Variants in PPP2R2C observed in about 807,000 individuals in gnomAD.
PPP2R2C encodes protein phosphatase 2, regulatory subunit B, gamma.
A neutral mutation model predicts 45.3 loss-of-function variants in PPP2R2C; 10 were observed. The ratio of observed to expected loss-of-function variants is 0.22; its 90% CI spans 0.14 to 0.37. The LOEUF is 0.37. Among genes scored for constraint, PPP2R2C ranks in the 10% least tolerant of loss-of-function variants. The probability of loss-of-function intolerance (pLI) is 1.00; values close to 1 mark genes in which losing one functional copy is unlikely to be tolerated. For missense variants in PPP2R2C, 308 were observed against 619.7 expected (o/e 0.50, Z 5.34); for synonymous variants, 257 against 245.4 (o/e 1.05, Z -0.44).
At chr4:6,397,616 G>A (rs1055650269) in intron 1 of PPP2R2C, among the ~76,000 whole-genome samples, 1 of 105,670 alleles carries the variant, frequency 9.5e-6, no homozygotes, top group Admixed American at 9.1e-5. Context: ...CCCACAGAGA[G>A]GGCAGTGCAG....
At chr4:6,430,430 G>C (rs567259633) in intron 1 of PPP2R2C, among the ~76,000 whole-genome samples, 21 of 152,326 alleles carry the variant, frequency 1.4e-4, no homozygotes, top group Non-Finnish European at 2.8e-4. Context: ...AGAGGTCCAA[G>C]AGGAGAGAAA....
intron 5 of PPP2R2C, chr4:6,351,133 C>T (rs1455731812): frequency 1.4e-5 from 9 of 653,930 alleles, no homozygotes; most frequent in South Asian, 6.8e-5. Context: ...ACCAAAACCC[C>T]GTCTCTACTA....
chr4:6,338,478 G>C (rs1180246482), intron 6 of PPP2R2C, among the ~76,000 whole-genome samples: 1 of 152,164 alleles, frequency 6.6e-6, no homozygotes, highest in Non-Finnish European at 1.5e-5. Context: ...ACGGACCTGT[G>C]AATCAAAGGA....
chr4:6,560,585 A>C (rs948565487), intron 1 of PPP2R2C, among the ~76,000 whole-genome samples: 2 of 152,156 alleles, frequency 1.3e-5, no homozygotes, highest in Non-Finnish European at 2.9e-5. Context: ...AAGCACTGGA[A>C]GCGTCCCTGG....
intron 6 of PPP2R2C, among the ~76,000 whole-genome samples, chr4:6,340,610 C>T (rs1360504626): frequency 6.6e-6 from 1 of 152,168 alleles, no homozygotes. Context: ...ACCTTCCCCA[C>T]CTGCACCGGC....
At chr4:6,552,833 T>C (rs1725227895) in intron 1 of PPP2R2C, among the ~76,000 whole-genome samples, 1 of 152,078 alleles carries the variant, frequency 6.6e-6, no homozygotes, top group Non-Finnish European at 1.5e-5. Flanking sequence ...AATTTGACAA[T>C]AAGGCTCAGG....
chr4:6,396,837 C>T (rs1330966950), intron 1 of PPP2R2C, among the ~76,000 whole-genome samples: 3 of 152,222 alleles, frequency 2.0e-5, no homozygotes, highest in African/African-American at 7.2e-5. Context: ...GGCATGAATA[C>T]TCAAGCCAGG....
chr4:6,402,537 A>C (rs1717485773), intron 1 of PPP2R2C, among the ~76,000 whole-genome samples: 1 of 150,274 alleles, frequency 6.7e-6, no homozygotes. Context: ...TCCCACCCTC[A>C]CGCCCTCCAT....
At chr4:6,558,072 C>T (rs959326755) in intron 1 of PPP2R2C, among the ~76,000 whole-genome samples, 2 of 152,180 alleles carry the variant, frequency 1.3e-5, no homozygotes, top group Non-Finnish European at 2.9e-5. Context: ...GCAGGACAGC[C>T]CCTGGCGGTG....
intron 1 of PPP2R2C, chr4:6,383,202 C>G: frequency 8.5e-7 from 1 of 1,182,888 alleles, no homozygotes; most frequent in South Asian, 1.6e-5. Flanking sequence ...CCACTGGCCC[C>G]TGAGGGGGAG....
In PPP2R2C at chr4:6,511,834, GTGA is replaced by G. The variant is rs1560594470; in HGVS notation, c.49+23434_49+23436del. Among the ~76,000 whole-genome samples the G allele has an allele frequency of 2.8e-3, 133 of 48,140 alleles. 24 individuals carry two copies. The highest frequency in any genetic ancestry group is 8.5e-3 in the Admixed American group (42 of 4,930). 31.6% of individuals were successfully genotyped at this position (48,140 alleles called of 152,430 possible). On this transcript the variant is annotated intron_variant, in intron 2 of 9. Coordinates refer to the PPP2R2C transcript ENST00000506140. ...GGTGGTGGTGATGGTGGTGGTGGTG[GTGA>G]TGGTGGTGGTGGTGGTGGTGGTGGT... is the stretch of plus-strand genomic sequence containing the variant.
chr4:6,350,185 C>A (rs754751980), intron 5 of PPP2R2C: 16 of 985,324 alleles, frequency 1.6e-5, no homozygotes, highest in Non-Finnish European at 1.9e-5. Context: ...ATACTGAAGG[C>A]CAAGCAAGAA....
chr4:6,536,268 G>C (rs1457672164), intron 1 of PPP2R2C, among the ~76,000 whole-genome samples: 1 of 152,204 alleles, frequency 6.6e-6, no homozygotes, highest in African/African-American at 2.4e-5. Flanking sequence ...AAGATGTTTA[G>C]AGATGACCCT....
intron 6 of PPP2R2C, 34 bp downstream of exon 6, chr4:6,347,812 G>A: frequency 9.0e-7 from 1 of 1,110,556 alleles, no homozygotes; most frequent in Non-Finnish European, 1.3e-6. Flanking sequence ...CCTGCCCAAT[G>A]CACAGCCCCC....
intron 6 of PPP2R2C, among the ~76,000 whole-genome samples, chr4:6,346,401 G>A (rs992624012): frequency 8.5e-5 from 13 of 152,130 alleles, no homozygotes; most frequent in South Asian, 4.1e-4. Context: ...CAGGGTGTCC[G>A]TTCCACTGTG....
chr4:6,410,556 G>A (rs1370613462), intron 1 of PPP2R2C, among the ~76,000 whole-genome samples: 1 of 152,188 alleles, frequency 6.6e-6, no homozygotes, highest in East Asian at 1.9e-4. Context: ...ACGCCAGGTG[G>A]TAGGTACTGT....
At chr4:6,422,379 T>G (rs1719036628) in intron 1 of PPP2R2C, among the ~76,000 whole-genome samples, 1 of 152,208 alleles carries the variant, frequency 6.6e-6, no homozygotes, top group Non-Finnish European at 1.5e-5. Flanking sequence ...GCAAACGAGT[T>G]CACCTCTCTG....
chr4:6,394,118 C>T lies in PPP2R2C; in HGVS notation c.71-13024G>A, dbSNP rs886521855. 1.7e-4 allele frequency among the ~76,000 whole-genome samples: 26 copies of T among 152,290 alleles called. 1 individual carries two copies. Among genetic ancestry groups the T allele is most frequent in the African/African-American group, 2.4e-4 (10 of 41,572 alleles). On this transcript the variant is annotated intron_variant, in intron 1 of 8. Transcript: ENST00000382599. ...GAAGCTTGCCAAGGCTCTGCCCAGACGGACAGGACCAGAATTGCTGGGGCC... is the reference window on the plus strand; with the variant it reads ...GAAGCTTGCCAAGGCTCTGCCCAGATGGACAGGACCAGAATTGCTGGGGCC...
intron 1 of PPP2R2C, among the ~76,000 whole-genome samples, chr4:6,466,938 G>A (rs1456417995): frequency 6.6e-6 from 1 of 152,136 alleles, no homozygotes; most frequent in Admixed American, 6.5e-5. Flanking sequence ...CTACAATTTG[G>A]GGAAATTGAC....
Sources: gnomAD v4.1 joint callset for allele counts (sites outside exome capture counted in the v4.1 genomes callset) on GRCh38, gnomAD v4.1.1 for gene constraint, MANE v1.5 for transcripts, NCBI Gene and HGNC (gene_info 2026-07-23, HGNC 2026-07-21) for gene names.